Variants in DOCK3 observed in about 807,000 individuals in gnomAD.
DOCK3 encodes the protein dedicator of cytokinesis 3, also known as dedicator of cytokinesis protein 3.
DOCK3 carries 60 observed loss-of-function variants against 265.6 expected under a neutral mutation model. The observed-to-expected ratio is 0.23, with a 90% CI of 0.18 to 0.28. The LOEUF (loss-of-function observed/expected upper bound fraction) is 0.28, where lower values mean the gene tolerates loss of function less well. DOCK3 is among the 10% of genes least tolerant of loss of function. The pLI is 1.00. For missense variants in DOCK3, 1,981 were observed against 2,594.3 expected (o/e 0.76, Z 5.14); for synonymous variants, 881 against 938.0 (o/e 0.94, Z 1.11).
chr3:50,745,992 A>T (rs1300294002), intron 1 of DOCK3, among the ~76,000 whole-genome samples: 1 of 152,144 alleles, frequency 6.6e-6, no homozygotes, highest in Non-Finnish European at 1.5e-5. Context: ...TATTCTAGAC[A>T]CAAGTCCTTT....
chr3:50,944,915 G>A (rs918911408), intron 5 of DOCK3, among the ~76,000 whole-genome samples: 2 of 152,142 alleles, frequency 1.3e-5, no homozygotes, highest in African/African-American at 2.4e-5. Flanking sequence ...AGCTGAGATC[G>A]CGTCATCACA....
chr3:50,877,606 G>A (rs539673661), intron 3 of DOCK3: 1 of 511,536 alleles, frequency 2.0e-6, no homozygotes, highest in East Asian at 5.6e-5. Context: ...CAAGACAGTG[G>A]CTTTCTGTAG....
At chr3:51,233,312 TTCTTTCTA>T (rs1216731903) in intron 19 of DOCK3, among the ~76,000 whole-genome samples, 2,565 of 62,910 alleles carry the variant, frequency 0.041, 76 homozygotes, top group African/African-American at 0.081. Context: ...GCAGTATTCT[TTCTTTCTA>T]TCTATCTATC....
At chr3:50,903,926 C>T (rs1293251176) in intron 4 of DOCK3, among the ~76,000 whole-genome samples, 3 of 152,116 alleles carry the variant, frequency 2.0e-5, no homozygotes, top group Non-Finnish European at 2.9e-5. Flanking sequence ...CCCCCCACCC[C>T]ACAACAGGCC....
At chr3:50,900,606 G>A (rs866140379) in intron 4 of DOCK3, 9 of 395,428 alleles carry the variant, frequency 2.3e-5, no homozygotes, top group Non-Finnish European at 9.8e-6. Context: ...CCTCATCTTC[G>A]TGGATTTATC....
chr3:50,772,637 A>G (rs1192450382), intron 1 of DOCK3, among the ~76,000 whole-genome samples: 2 of 152,220 alleles, frequency 1.3e-5, no homozygotes, highest in Non-Finnish European at 2.9e-5. Flanking sequence ...TAACATTTAT[A>G]TGTGCTACGA....
At chr3:51,126,502 C>T (rs565217948) in intron 9 of DOCK3, among the ~76,000 whole-genome samples, 15 of 152,316 alleles carry the variant, frequency 9.8e-5, no homozygotes, top group African/African-American at 3.4e-4. Flanking sequence ...TCAGTCTTCT[C>T]GTCCTCCAGC....
At chr3:51,302,114 T>G (rs1034019420) in intron 27 of DOCK3, among the ~76,000 whole-genome samples, 1 of 152,156 alleles carries the variant, frequency 6.6e-6, no homozygotes, top group Non-Finnish European at 1.5e-5. Context: ...TCTGGGTGCT[T>G]CTGTATTGGA....
chr3:51,356,550 T>TG (rs1260315203), intron 43 of DOCK3, 57 bp downstream of exon 43: 5 of 1,554,316 alleles, frequency 3.2e-6, no homozygotes, highest in Non-Finnish European at 3.5e-6. Context: ...GCCCCAGCTC[T>TG]GGGGGCCCTT....
intron 5 of DOCK3, among the ~76,000 whole-genome samples, chr3:50,938,512 T>G (rs1463452080): frequency 1.3e-5 from 2 of 152,140 alleles, no homozygotes; most frequent in African/African-American, 2.4e-5. Context: ...AGACAATATC[T>G]TAGTTCATAG....
intron 5 of DOCK3, among the ~76,000 whole-genome samples, chr3:50,989,953 G>T (rs1575693479): frequency 6.6e-6 from 1 of 152,116 alleles, no homozygotes; most frequent in South Asian, 2.1e-4. Context: ...ATATAAAAAA[G>T]AACCTAATGG....
At chr3:50,749,916 CT>C (rs1559589688) in intron 1 of DOCK3, among the ~76,000 whole-genome samples, 1 of 152,118 alleles carries the variant, frequency 6.6e-6, no homozygotes, top group Non-Finnish European at 1.5e-5. Context: ...ACACTCTGGC[CT>C]TTCCCCAGTT....
intron 27 of DOCK3, among the ~76,000 whole-genome samples, chr3:51,295,890 G>C (rs556563027): frequency 4.6e-5 from 7 of 152,264 alleles, no homozygotes; most frequent in African/African-American, 1.7e-4. Context: ...CTCCAGGCTG[G>C]AGTACACTGG....
intron 1 of DOCK3, among the ~76,000 whole-genome samples, chr3:50,696,342 G>A (rs965292958): frequency 6.6e-6 from 1 of 152,200 alleles, no homozygotes; most frequent in African/African-American, 2.4e-5. Context: ...TGTAAAAGGT[G>A]AGAGTTAAGG....
chr3:51,012,321 T>G lies in DOCK3; in HGVS notation c.316-52127T>G, dbSNP rs527655308. Among the ~76,000 whole-genome samples, 241 of 152,226 alleles carry G rather than the reference T, an allele frequency of 1.6e-3. 2 individuals carry two copies. The highest frequency in any genetic ancestry group is 7.7e-3 in the East Asian group (40 of 5,176). The stretch of plus-strand genomic sequence containing the variant: ...CCCAGTTCGAGCTTCGAGGCCACTG[T>G]TTTTACCTACTCAAGCCTCAGCAAT... On this transcript the variant is annotated intron_variant, in intron 5 of 52. Transcript: ENST00000266037.
At chr3:50,870,292 T>G (rs1442092180) in intron 3 of DOCK3, among the ~76,000 whole-genome samples, 1 of 152,216 alleles carries the variant, frequency 6.6e-6, no homozygotes, top group Non-Finnish European at 1.5e-5. Context: ...ATTTGTGTTC[T>G]CCAGTGTTGG....
chr3:50,852,403 A>G (rs1320209917), intron 3 of DOCK3, among the ~76,000 whole-genome samples: 2 of 152,172 alleles, frequency 1.3e-5, no homozygotes, highest in Non-Finnish European at 2.9e-5. Flanking sequence ...TGAGGAGTAG[A>G]TATTAACTTC....
intron 27 of DOCK3, among the ~76,000 whole-genome samples, chr3:51,296,483 T>G (rs1459139592): frequency 3.3e-5 from 5 of 151,742 alleles, no homozygotes; most frequent in African/African-American, 4.8e-5. Context: ...AAATTGGTTT[T>G]TTTTTTTTTT....
chr3:51,051,481 A>G (rs562778825), intron 5 of DOCK3, among the ~76,000 whole-genome samples: 3 of 152,332 alleles, frequency 2.0e-5, no homozygotes, highest in East Asian at 1.9e-4. Context: ...CTTACTAGGT[A>G]CTAGGCACAG....
Sources: gnomAD v4.1 joint callset for allele counts (sites outside exome capture counted in the v4.1 genomes callset) on GRCh38, gnomAD v4.1.1 for gene constraint, MANE v1.5 for transcripts, NCBI Gene and HGNC (gene_info 2026-07-23, HGNC 2026-07-21) for gene names.